Variants in RIMS2 observed in about 807,000 individuals in gnomAD.
RIMS2 encodes the protein regulating synaptic membrane exocytosis protein 2.
RIMS2 carries 59 observed loss-of-function variants against 174.4 expected under a neutral mutation model. That is an observed-to-expected ratio of 0.34 (90% CI 0.27 to 0.42). The LOEUF is 0.42. Ranked by LOEUF, RIMS2 falls within the 10% of genes least tolerant of loss-of-function variation. RIMS2 has a pLI of 1.00. For missense variants in RIMS2, 1,620 were observed against 1,666.3 expected, an observed-to-expected ratio of 0.97 and a Z score of 0.48; for synonymous variants, 606 against 572.5, an observed-to-expected ratio of 1.06 and a Z score of -0.84.
intron 19 of RIMS2, among the ~76,000 whole-genome samples, chr8:104,085,364 A>G (rs763765739): frequency 2.0e-5 from 3 of 152,216 alleles, no homozygotes; most frequent in Non-Finnish European, 4.4e-5. Context: ...CATACCAGCT[A>G]TGTTAGCTCA....
chr8:103,971,355 C>T (rs1024589137), intron 15 of RIMS2, among the ~76,000 whole-genome samples: 1 of 151,970 alleles, frequency 6.6e-6, no homozygotes, highest in Non-Finnish European at 1.5e-5. Flanking sequence ...AATAATCAGA[C>T]TTCTTTTCTA....
intron 2 of RIMS2, among the ~76,000 whole-genome samples, chr8:103,724,115 G>A (rs1459275751): frequency 3.3e-5 from 5 of 151,530 alleles, no homozygotes; most frequent in African/African-American, 4.9e-5. Flanking sequence ...TGAGGGAGGG[G>A]TGATGTAAAT....
rs543059507 is a variant in RIMS2, at chr8:103,643,664, C to T, written c.177-53422C>T. Among the ~76,000 whole-genome samples the T allele has an allele frequency of 2.6e-5, 4 of 152,092 alleles. No homozygotes were observed. In the East Asian group the frequency reaches 7.7e-4, roughly 29 times the overall value. ...GCTGTTTTGTTTTTCTGTACTGACTCCTTACTAAATAGTTTCTGAGGATTG... is the reference window on the plus strand; with the variant it reads ...GCTGTTTTGTTTTTCTGTACTGACTTCTTACTAAATAGTTTCTGAGGATTG... On this transcript the variant is annotated intron_variant, in intron 1 of 23. Coordinates refer to ENST00000504942, the Ensembl canonical transcript of RIMS2.
At chr8:104,136,094 A>G (rs1173786956) in intron 19 of RIMS2, among the ~76,000 whole-genome samples, 1 of 152,198 alleles carries the variant, frequency 6.6e-6, no homozygotes, top group Non-Finnish European at 1.5e-5. Flanking sequence ...CCAGTAGAGA[A>G]TTACTCTGTC....
At chr8:103,570,558 A>G (rs1019874275) in intron 1 of RIMS2, among the ~76,000 whole-genome samples, 3 of 152,178 alleles carry the variant, frequency 2.0e-5, no homozygotes, top group Non-Finnish European at 2.9e-5. Context: ...GAAAAGGTCG[A>G]TAATGCTCCA....
intron 4 of RIMS2, among the ~76,000 whole-genome samples, chr8:103,901,482 T>C (rs2099327645): frequency 6.6e-6 from 1 of 152,252 alleles, no homozygotes; most frequent in Non-Finnish European, 1.5e-5. Flanking sequence ...TACTTAGCTG[T>C]TTATGCCCAC....
intron 1 of RIMS2, among the ~76,000 whole-genome samples, chr8:103,527,791 T>C (rs973799696): frequency 2.6e-5 from 4 of 152,228 alleles, no homozygotes; most frequent in African/African-American, 9.6e-5. Flanking sequence ...AGTCTATCAG[T>C]GATGGACATT....
At chr8:104,130,012 A>G (rs1255289993) in intron 19 of RIMS2, among the ~76,000 whole-genome samples, 1 of 152,208 alleles carries the variant, frequency 6.6e-6, no homozygotes, top group Non-Finnish European at 1.5e-5. Context: ...GAATATTAGT[A>G]TTTAACTATC....
At chr8:104,106,173 G>C (rs912718094) in intron 19 of RIMS2, among the ~76,000 whole-genome samples, 2 of 151,742 alleles carry the variant, frequency 1.3e-5, no homozygotes, top group African/African-American at 4.8e-5. Flanking sequence ...GCCACAGACA[G>C]TCCTCTCACT....
chr8:103,628,579 C>G (rs544211222), intron 1 of RIMS2, among the ~76,000 whole-genome samples: 4 of 151,948 alleles, frequency 2.6e-5, no homozygotes, highest in Admixed American at 6.5e-5. Flanking sequence ...GTCTCGAACT[C>G]CTGACCTCAG....
chr8:103,514,995 T>C (rs1222887695), intron 1 of RIMS2, among the ~76,000 whole-genome samples: 1 of 152,174 alleles, frequency 6.6e-6, no homozygotes, highest in African/African-American at 2.4e-5. Context: ...AAACTGCTTT[T>C]ATGCTATTAG....
chr8:103,671,389 C>T (rs1402072601), intron 1 of RIMS2, among the ~76,000 whole-genome samples: 3 of 152,138 alleles, frequency 2.0e-5, no homozygotes, highest in African/African-American at 7.2e-5. Flanking sequence ...ATTATGAAAA[C>T]CTGGCAAAGT....
At position 104,018,459 on chromosome 8, in the gene RIMS2, T is replaced by A. The variant is rs556243790; in HGVS notation, c.3334+3844T>A. Among the ~76,000 whole-genome samples, 104 of 152,332 alleles carry A rather than the reference T, an allele frequency of 6.8e-4. 2 individuals carry two copies. In the Middle Eastern group the frequency reaches 0.014, roughly 20 times the overall value. ...ATGAATGGGTATTACTTAAGCTATC[T>A]AGGCAATTTGTCAGAATATTTAATT... On this transcript the variant is annotated intron_variant, in intron 19 of 23. Coordinates refer to ENST00000504942, the Ensembl canonical transcript of RIMS2.
chr8:104,041,028 A>G (rs1033665965), intron 19 of RIMS2, among the ~76,000 whole-genome samples: 1 of 151,712 alleles, frequency 6.6e-6, no homozygotes, highest in African/African-American at 2.4e-5. Flanking sequence ...TTTCTTCAGC[A>G]TTGGTGTTCA....
intron 5 of RIMS2, chr8:103,910,326 A>G: frequency 1.3e-6 from 2 of 1,584,114 alleles, no homozygotes; most frequent in Non-Finnish European, 1.7e-6. Context: ...TGTAGGGGAC[A>G]GTCAAAAGGG....
chr8:104,157,736 G>T (rs1434807851), intron 19 of RIMS2, among the ~76,000 whole-genome samples: 1 of 152,012 alleles, frequency 6.6e-6, no homozygotes, highest in Non-Finnish European at 1.5e-5. Context: ...TAGGCACTTG[G>T]GTTCCTTCAC....
intron 19 of RIMS2, among the ~76,000 whole-genome samples, chr8:104,227,852 A>C (rs1481710158): frequency 6.6e-6 from 1 of 152,204 alleles, no homozygotes; most frequent in Non-Finnish European, 1.5e-5. Context: ...CTTAAAAATA[A>C]ATTATAGGAA....
At chr8:103,636,777 C>T (rs1375315908) in intron 1 of RIMS2, among the ~76,000 whole-genome samples, 1 of 79,176 alleles carries the variant, frequency 1.3e-5, no homozygotes, top group Admixed American at 1.7e-4. Flanking sequence ...TTTTCTATAA[C>T]CCACCCCCGC....
chr8:103,954,778 C>A (rs560566115), intron 14 of RIMS2, among the ~76,000 whole-genome samples: 1 of 151,842 alleles, frequency 6.6e-6, no homozygotes, highest in Non-Finnish European at 1.5e-5. Context: ...GAGACAGAGA[C>A]ACGAAAAAAC....
Sources: allele counts gnomAD v4.1 joint callset (sites outside exome capture counted in the v4.1 genomes callset), GRCh38; gene constraint gnomAD v4.1.1; transcripts MANE v1.5; gene names NCBI Gene and HGNC (gene_info 2026-07-23, HGNC 2026-07-21).